COQ6: variants seen among roughly 807,000 people sequenced by gnomAD.
The protein encoded by COQ6 is coenzyme Q6, monooxygenase.
In COQ6, 45 loss-of-function variants were observed where a neutral mutation model predicts 55.5. The observed-to-expected ratio is 0.81, with a 90% CI of 0.64 to 1.04. COQ6 has a LOEUF of 1.04. COQ6 is among the 50% of genes least tolerant of loss of function. The pLI is 0.00. For missense variants in COQ6, 550 were observed against 601.3 expected (o/e 0.91, Z 0.89); for synonymous variants, 206 against 230.5 (o/e 0.89, Z 0.96).
chr14:73,959,571 G>C, intron 8 of COQ6, 49 bp downstream of exon 8: 1 of 1,613,320 alleles, frequency 6.2e-7, no homozygotes, highest in Non-Finnish European at 8.5e-7. Context: ...GGGAGATACA[G>C]AAAGGTGTTG....
chr14:73,951,974 A>G (rs1267392511), intron 1 of COQ6, among the ~76,000 whole-genome samples: 3 of 53,978 alleles, frequency 5.6e-5, no homozygotes, highest in Admixed American at 2.1e-4. Flanking sequence ...GCGAAACTCG[A>G]TATCTCAAAA....
intron 1 of COQ6, among the ~76,000 whole-genome samples, chr14:73,952,420 C>T (rs2056239073): frequency 6.6e-6 from 1 of 151,912 alleles, no homozygotes; most frequent in Admixed American, 6.6e-5. Flanking sequence ...CTGTGCCTGA[C>T]CTTTCTTTCT....
chr14:73,950,309 A>C lies in COQ6; in HGVS notation c.-24A>C. ...CGTAGGTGGGCCTGCGGGAGTTCTG[A>C]GTGCGACGGCGCAGGTCTGCACCAT... is the stretch of plus-strand genomic sequence containing the variant. On this transcript the variant is annotated 5_prime_UTR_variant, in exon 1 of 12. Transcript: ENST00000334571. The C allele has an allele frequency of 6.5e-7, 1 of 1,544,758 alleles. No homozygotes were observed. Among genetic ancestry groups the C allele is most frequent in the South Asian group, 1.2e-5 (1 of 84,506 alleles).
Position 73,950,381 on chromosome 14 carries a change from C to G in COQ6, c.49C>G (p.His17Asp). 2 of 1,569,998 alleles carry G rather than the reference C, an allele frequency of 1.3e-6. No individual in the cohort carries two copies. Among genetic ancestry groups the G allele is most frequent in the Non-Finnish European group, 1.7e-6 (2 of 1,158,742 alleles). Residue 17 changes from histidine (H) to aspartate (D), a missense_variant, in exon 1 of 12, where the codon CAC becomes GAC. Transcript: ENST00000334571. ...SRCGAVRAAP[H>D]SGPLVSWRRW... The stretch of plus-strand genomic sequence containing the variant: ...ATGCGGGGCTGTGCGTGCAGCTCCC[C>G]ACAGCGGCCCGCTGGTGTCCTGGCG...
intron 4 of COQ6, among the ~76,000 whole-genome samples, chr14:73,956,985 T>G (rs2056464051): frequency 6.6e-6 from 1 of 152,148 alleles, no homozygotes; most frequent in Non-Finnish European, 1.5e-5. Context: ...GTCTGGAAAG[T>G]CATACACCAA....
chr14:73,950,558 T>C, intron 1 of COQ6, 63 bp downstream of exon 1: 1 of 1,544,016 alleles, frequency 6.5e-7, no homozygotes, highest in Admixed American at 1.9e-5. Flanking sequence ...ATGAGAGCCG[T>C]GAGAGCCCTA....
At chr14:73,958,312 T>C in intron 5 of COQ6, 35 bp downstream of exon 5, 1 of 1,613,208 alleles carries the variant, frequency 6.2e-7, no homozygotes, top group Non-Finnish European at 8.5e-7. Context: ...AGGGGTCTTG[T>C]ATATCTACAT....
intron 5 of COQ6, 24 bp downstream of exon 5, chr14:73,958,301 T>C (rs2056540614): frequency 6.2e-7 from 1 of 1,613,532 alleles, no homozygotes; most frequent in Non-Finnish European, 8.5e-7. Flanking sequence ...CTTATTTTGC[T>C]AGGGGTCTTG....
chr14:73,962,872 G>T, intron 11 of COQ6, 98 bp from the exon 12 acceptor site: 1 of 1,025,716 alleles, frequency 9.7e-7, no homozygotes, highest in South Asian at 1.4e-5. Context: ...ATAAAACAAG[G>T]ACACTTGGGA....
At position 73,959,631 on chromosome 14, in the gene COQ6, G is replaced by A. The variant is rs1216914654; in HGVS notation, c.891+109G>A. 8.9e-6 allele frequency: 14 copies of A among 1,564,404 alleles called. No individual in the cohort carries two copies. In the African/African-American group the frequency reaches 1.2e-4, roughly 14 times the overall value. On this transcript the variant is annotated intron_variant, in intron 8 of 11. Coordinates refer to ENST00000334571, the MANE Select transcript of COQ6 (RefSeq NM_182476.3). ...TTGCCAGGCTGGAGCGCAGTGGCGCGATCTTGGCTCACTGTGCAATCTCCG... is the reference window on the plus strand; with the variant it reads ...TTGCCAGGCTGGAGCGCAGTGGCGCAATCTTGGCTCACTGTGCAATCTCCG...
intron 4 of COQ6, among the ~76,000 whole-genome samples, chr14:73,957,000 G>A (rs1029387850): frequency 1.7e-4 from 26 of 152,118 alleles, no homozygotes; most frequent in African/African-American, 6.0e-4. Flanking sequence ...CACCAAAGCT[G>A]TAATTGCAGT....
Position 73,953,691 on chromosome 14 carries a change from AG to A in COQ6, c.298+123del, listed in dbSNP as rs2056288890. ...AGGGAGCTCACTGAGGTGGGTGGAG[AG>A]AGGGGGTGGGATTGGTAGTCTAGGG... On this transcript the variant is annotated intron_variant, in intron 2 of 11. Transcript: ENST00000334571. 3.0e-6 allele frequency: 4 copies of A among 1,327,060 alleles called. No homozygotes were observed. The Admixed American group carries it at 6.9e-5, about 23-fold the overall frequency. The allele number at this position is 1,327,060 out of a possible 1,614,324, so 82.2% of individuals were successfully genotyped here.
At position 73,963,268 on chromosome 14, in the gene COQ6, A is replaced by G. The variant is rs2056837566; in HGVS notation, c.*269A>G. ...AGCTTTTTATTACTAAAAAACCCAC[A>G]AGGTGCTGTCTCACTCATTTCCAGT... On this transcript the variant is annotated 3_prime_UTR_variant, in exon 12 of 12. Coordinates refer to ENST00000334571, the MANE Select transcript of COQ6 (RefSeq NM_182476.3). 1 of 558,018 alleles carries G rather than the reference A, an allele frequency of 1.8e-6. No homozygotes were observed. The allele number at this position is 558,018 out of a possible 1,614,324, so 34.6% of individuals were successfully genotyped here.
At position 73,958,953 on chromosome 14, in the gene COQ6, G is replaced by T. The variant is rs765146911; in HGVS notation, c.613-18G>T. The stretch of plus-strand genomic sequence containing the variant: ...ATGAAGAGGCTGGAAGACTTAGCAG[G>T]CTCATGTGTCCATGCAGATAGGTGC... On this transcript the variant is annotated intron_variant, in intron 5 of 11. Coordinates refer to ENST00000334571, the MANE Select transcript of COQ6 (RefSeq NM_182476.3). The T allele has an allele frequency of 4.3e-6, 7 of 1,613,222 alleles. No individual in the cohort carries two copies. The South Asian group carries it at 6.6e-5, about 15-fold the overall frequency.
At chr14:73,950,251 A>G (rs2056132059), upstream of COQ6, 1 of 1,538,294 alleles carries the variant, frequency 6.5e-7, no homozygotes, top group African/African-American at 1.4e-5. Flanking sequence ...CGGAAGCGGG[A>G]CGGGATTGGA....
At chr14:73,957,014 C>T (rs1202575056) in intron 4 of COQ6, among the ~76,000 whole-genome samples, 2 of 152,078 alleles carry the variant, frequency 1.3e-5, no homozygotes, top group Non-Finnish European at 2.9e-5. Flanking sequence ...TTGCAGTTGT[C>T]TCTGAGTAGT....
upstream of COQ6, chr14:73,950,277 C>CG: frequency 6.5e-7 from 1 of 1,539,776 alleles, no homozygotes; most frequent in East Asian, 2.4e-5. Context: ...CTGCTCCGGA[C>CG]GCACTACGTA....
rs778456329 is a variant in COQ6 at position 73,955,812 on chromosome 14, A to G, written c.365A>G (p.Asp122Gly). The change falls in exon 4 of 12, where the codon GAC becomes GGC. Residue 122 changes from aspartate (D) to glycine (G), a missense_variant. Asp to Gly is a moderately conservative substitution (Grantham distance 94, BLOSUM62 -1). Transcript: ENST00000334571. ...TTCCTTTTGTGTTTCCAGGTGTGGGACGCCTGCTCAGAGGCCCTGATAATG... is the reference window on the plus strand; with the variant it reads ...TTCCTTTTGTGTTTCCAGGTGTGGGGCGCCTGCTCAGAGGCCCTGATAATG... ...YRAFRRMQVW[D>G]ACSEALIMFD... The G allele has an allele frequency of 6.2e-7, 1 of 1,614,030 alleles. No homozygotes were observed. Among genetic ancestry groups the G allele is most frequent in the African/African-American group, 1.3e-5 (1 of 74,990 alleles).
intron 2 of COQ6, among the ~76,000 whole-genome samples, chr14:73,955,037 C>T (rs1293347182): frequency 1.3e-5 from 2 of 148,974 alleles, no homozygotes; most frequent in East Asian, 2.0e-4. Flanking sequence ...CTGCAAGCTC[C>T]GCCTCCCGGG....
Sources: gnomAD v4.1 joint callset for allele counts (sites outside exome capture counted in the v4.1 genomes callset) on GRCh38, gnomAD v4.1.1 for gene constraint, MANE v1.5 for transcripts, NCBI Gene and HGNC (gene_info 2026-07-23, HGNC 2026-07-21) for gene names.